Variants in CNTNAP2 observed in about 807,000 individuals in gnomAD.
CNTNAP2 encodes the protein contactin associated protein 2.
In CNTNAP2, 98 loss-of-function variants were observed where a neutral mutation model predicts 155.2. The ratio of observed to expected loss-of-function variants is 0.63; its 90% CI spans 0.54 to 0.75. The LOEUF is 0.75. Among genes scored for constraint, CNTNAP2 ranks in the 30% least tolerant of loss-of-function variants. The pLI, the probability that CNTNAP2 is intolerant of heterozygous loss-of-function variation, is 0.00. For missense variants in CNTNAP2, 1,727 were observed against 1,688.1 expected, an observed-to-expected ratio of 1.02 and a Z score of -0.40; for synonymous variants, 651 against 631.2, an observed-to-expected ratio of 1.03 and a Z score of -0.47.
At chr7:146,857,996 G>C (rs1467884841) in intron 3 of CNTNAP2, among the ~76,000 whole-genome samples, 1 of 152,156 alleles carries the variant, frequency 6.6e-6, no homozygotes, top group Non-Finnish European at 1.5e-5. Context: ...ACACTTATCA[G>C]AATAAGTTTG....
intron 1 of CNTNAP2, among the ~76,000 whole-genome samples, chr7:146,496,171 G>C (rs1284231836): frequency 1.3e-5 from 2 of 152,122 alleles, no homozygotes; most frequent in African/African-American, 4.8e-5. Flanking sequence ...CAGCCTTCTT[G>C]GGTGATGATC....
chr7:147,477,103 TC>T (rs1264000704), intron 10 of CNTNAP2, among the ~76,000 whole-genome samples: 1 of 152,190 alleles, frequency 6.6e-6, no homozygotes, highest in Non-Finnish European at 1.5e-5. Context: ...GTTATCGTCA[TC>T]TTTTTTCCTC....
chr7:146,902,553 A>G (rs965286779), intron 3 of CNTNAP2, among the ~76,000 whole-genome samples: 5 of 152,210 alleles, frequency 3.3e-5, no homozygotes, highest in Non-Finnish European at 7.3e-5. Flanking sequence ...CAGTATGCAG[A>G]TGAAAATTTT....
chr7:147,850,247 C>T (rs552891981), intron 13 of CNTNAP2, among the ~76,000 whole-genome samples: 14 of 152,208 alleles, frequency 9.2e-5, no homozygotes, highest in Non-Finnish European at 1.9e-4. Context: ...CTACAAACCA[C>T]TGCTCAGCGA....
intron 20 of CNTNAP2, among the ~76,000 whole-genome samples, chr7:148,239,784 G>T (rs1429463582): frequency 6.6e-6 from 1 of 152,172 alleles, no homozygotes; most frequent in African/African-American, 2.4e-5. Flanking sequence ...ACACTGAGAG[G>T]TCTGGCCAGC....
intron 1 of CNTNAP2, among the ~76,000 whole-genome samples, chr7:146,147,346 C>G (rs2116768068): frequency 6.6e-6 from 1 of 152,206 alleles, no homozygotes; most frequent in South Asian, 2.1e-4. Context: ...GCACTACAGA[C>G]AGTTTGGAGG....
chr7:146,124,993 C>G (rs1175511846), intron 1 of CNTNAP2, among the ~76,000 whole-genome samples: 1 of 152,132 alleles, frequency 6.6e-6, no homozygotes, highest in Non-Finnish European at 1.5e-5. Flanking sequence ...CCACCACCAG[C>G]AGTTTTTCAG....
At chr7:147,507,978 C>A (rs571669963) in intron 11 of CNTNAP2, among the ~76,000 whole-genome samples, 12 of 152,226 alleles carry the variant, frequency 7.9e-5, no homozygotes, top group African/African-American at 2.9e-4. Context: ...CCTTGTCCTC[C>A]AGTAGTGGTG....
intron 18 of CNTNAP2, among the ~76,000 whole-genome samples, chr7:148,193,181 A>T (rs1364397557): frequency 6.6e-6 from 1 of 152,176 alleles, no homozygotes. Context: ...GATTTTGGAA[A>T]TACCAGCCTG....
intron 1 of CNTNAP2, among the ~76,000 whole-genome samples, chr7:146,747,904 A>C (rs1360144013): frequency 3.3e-5 from 5 of 152,094 alleles, no homozygotes; most frequent in Non-Finnish European, 7.4e-5. Context: ...GTATTTTATA[A>C]TATCTATCCA....
chr7:146,696,452 T>C (rs550099246), intron 1 of CNTNAP2, among the ~76,000 whole-genome samples: 77 of 152,178 alleles, frequency 5.1e-4, no homozygotes, highest in Non-Finnish European at 7.4e-4. Context: ...AACAATTTTA[T>C]TGAACTTTTC....
intron 21 of CNTNAP2, among the ~76,000 whole-genome samples, chr7:148,334,914 G>A (rs1367964127): frequency 1.3e-5 from 2 of 152,218 alleles, no homozygotes; most frequent in Non-Finnish European, 2.9e-5. Context: ...TTAGAGGGCA[G>A]TGTTTGCAGA....
chr7:148,352,889 A>G lies in CNTNAP2; in HGVS notation c.3476-30760A>G, dbSNP rs1798452700. 2.0e-5 allele frequency among the ~76,000 whole-genome samples: 3 copies of G among 152,192 alleles called. No homozygotes were observed. The South Asian group carries it at 6.2e-4, about 32-fold the overall frequency. ...CTTTGCCAGCACCTCCCTTAGAACA[A>G]GTTCCCTTCTTTACCTTTCCCCAAA... On this transcript the variant is annotated intron_variant, in intron 21 of 23. Transcript: ENST00000361727.
intron 13 of CNTNAP2, among the ~76,000 whole-genome samples, chr7:147,739,609 A>C (rs372317091): frequency 1.3e-5 from 2 of 152,162 alleles, no homozygotes; most frequent in Admixed American, 6.5e-5. Context: ...GATTTATTTC[A>C]GAGAAAATCA....
intron 15 of CNTNAP2, among the ~76,000 whole-genome samples, chr7:147,982,267 A>G (rs539811917): frequency 1.3e-5 from 2 of 151,892 alleles, no homozygotes; most frequent in South Asian, 4.2e-4. Context: ...CTGTAAATAA[A>G]TACTTTGGAG....
chr7:147,799,745 G>A (rs1797956099), intron 13 of CNTNAP2, among the ~76,000 whole-genome samples: 1 of 152,156 alleles, frequency 6.6e-6, no homozygotes, highest in African/African-American at 2.4e-5. Flanking sequence ...CAGAAGCTAT[G>A]GGTAAACCTC....
At chr7:147,029,443 G>C (rs1290367306) in intron 3 of CNTNAP2, among the ~76,000 whole-genome samples, 1 of 152,154 alleles carries the variant, frequency 6.6e-6, no homozygotes, top group African/African-American at 2.4e-5. Flanking sequence ...AAGAGAGCAT[G>C]GAAGAGGAGG....
intron 1 of CNTNAP2, among the ~76,000 whole-genome samples, chr7:146,417,580 T>C (rs568713531): frequency 1.1e-3 from 174 of 152,294 alleles, no homozygotes; most frequent in Non-Finnish European, 2.1e-3. Flanking sequence ...TCTTCTTCTT[T>C]TTTTGTGGCT....
In CNTNAP2 at chr7:146,509,479, C is replaced by T. The variant is rs192611603; in HGVS notation, c.98-264792C>T. Among the ~76,000 whole-genome samples the T allele has an allele frequency of 5.4e-4, 82 of 152,286 alleles. 2 individuals are homozygous for T. In the East Asian group the frequency reaches 0.012, roughly 22 times the overall value. On this transcript the variant is annotated intron_variant, in intron 1 of 23. Transcript: ENST00000361727. ...ACTGTTTACTTTATTCCCACAACTC[C>T]GTTGGGGTATAGGCAGTGTATGACT...
Sources: allele counts gnomAD v4.1 joint callset (sites outside exome capture counted in the v4.1 genomes callset), GRCh38; gene constraint gnomAD v4.1.1; transcripts MANE v1.5; gene names NCBI Gene and HGNC (gene_info 2026-07-23, HGNC 2026-07-21).